CNTNAP2: variants seen among roughly 807,000 people sequenced by gnomAD.
The protein encoded by CNTNAP2 is contactin-associated protein-like 2.
Under a neutral mutation model 155.2 loss-of-function variants are expected in CNTNAP2, and 98 were observed. That is an observed-to-expected ratio of 0.63 (90% CI 0.54 to 0.75). The LOEUF (loss-of-function observed/expected upper bound fraction) is 0.75. Ranked by LOEUF, CNTNAP2 falls within the 30% of genes least tolerant of loss-of-function variation. The pLI is 0.00. For missense variants in CNTNAP2, 1,727 were observed against 1,688.1 expected (o/e 1.02, Z -0.40); for synonymous variants, 651 against 631.2 (o/e 1.03, Z -0.47).
chr7:148,237,035 A>G (rs1534708), intron 20 of CNTNAP2, among the ~76,000 whole-genome samples: 111,568 of 152,112 alleles, frequency 0.73, 41,826 homozygotes, highest in East Asian at 0.95. Flanking sequence ...ACACATATCC[A>G]AACCATATCA....
intron 13 of CNTNAP2, among the ~76,000 whole-genome samples, chr7:147,864,616 T>G (rs1465552838): frequency 6.6e-6 from 1 of 152,218 alleles, no homozygotes; most frequent in Non-Finnish European, 1.5e-5. Context: ...AGCAGTGTTT[T>G]GTAGTTCTCC....
At chr7:147,508,252 A>C (rs1299612533) in intron 11 of CNTNAP2, among the ~76,000 whole-genome samples, 2 of 152,092 alleles carry the variant, frequency 1.3e-5, no homozygotes, top group Non-Finnish European at 2.9e-5. Flanking sequence ...AAATCAACTT[A>C]TTCTTTCTGC....
chr7:146,343,612 A>C (rs1296828940), intron 1 of CNTNAP2, among the ~76,000 whole-genome samples: 1 of 152,190 alleles, frequency 6.6e-6, no homozygotes, highest in East Asian at 1.9e-4. Context: ...TAAAATGAGG[A>C]TTTTTTAAAA....
At chr7:147,441,846 TCTCTCC>T (rs1321079126) in intron 10 of CNTNAP2, among the ~76,000 whole-genome samples, 9 of 117,132 alleles carry the variant, frequency 7.7e-5, no homozygotes, top group South Asian at 5.3e-4. Flanking sequence ...TCTCTCTCTC[TCTCTCC>T]CTCCCTCCCT....
intron 13 of CNTNAP2, among the ~76,000 whole-genome samples, chr7:147,825,904 A>G (rs569539281): frequency 3.5e-4 from 53 of 152,286 alleles, no homozygotes; most frequent in Non-Finnish European, 4.0e-4. Flanking sequence ...TGTAAAATAT[A>G]AGAAAAAGGG....
intron 11 of CNTNAP2, among the ~76,000 whole-genome samples, chr7:147,542,558 A>T (rs1371944375): frequency 6.6e-6 from 1 of 152,174 alleles, no homozygotes; most frequent in African/African-American, 2.4e-5. Context: ...TGTGTAGGGC[A>T]TATATGTTCA....
At position 146,285,309 on chromosome 7, in the gene CNTNAP2, A is replaced by G. The variant is rs148317910; in HGVS notation, c.97+168336A>G. ...ATAAATCCTTAACTAATTAACCTTGACTATCATAAGTGCATTCACATTTCA... is the reference window on the plus strand; with the variant it reads ...ATAAATCCTTAACTAATTAACCTTGGCTATCATAAGTGCATTCACATTTCA... On this transcript the variant is annotated intron_variant, in intron 1 of 23. Coordinates refer to ENST00000361727, the MANE Select transcript of CNTNAP2 (RefSeq NM_014141.6). Among the ~76,000 whole-genome samples the G allele has an allele frequency of 1.0e-3, 156 of 152,266 alleles. 1 individual carries two copies. Among genetic ancestry groups the G allele is most frequent in the African/African-American group, 3.4e-3 (143 of 41,570 alleles).
At chr7:148,319,857 A>C (rs149559642) in intron 21 of CNTNAP2, among the ~76,000 whole-genome samples, 2 of 151,996 alleles carry the variant, frequency 1.3e-5, no homozygotes, top group East Asian at 3.9e-4. Context: ...TATATATTAC[A>C]ATGTAATAAT....
intron 13 of CNTNAP2, among the ~76,000 whole-genome samples, chr7:147,809,725 G>A (rs76808843): frequency 0.044 from 6,661 of 152,260 alleles, 266 homozygotes; most frequent in Admixed American, 0.12. Flanking sequence ...GTATTCTGGT[G>A]TGTTATGCTA....
At chr7:148,017,370 G>A (rs535987325) in intron 15 of CNTNAP2, among the ~76,000 whole-genome samples, 1 of 152,248 alleles carries the variant, frequency 6.6e-6, no homozygotes, top group African/African-American at 2.4e-5. Flanking sequence ...AGATATGAGA[G>A]AGAACAAAAT....
chr7:148,168,945 C>G (rs1187627072), intron 17 of CNTNAP2, among the ~76,000 whole-genome samples: 4 of 152,026 alleles, frequency 2.6e-5, no homozygotes, highest in Non-Finnish European at 5.9e-5. Flanking sequence ...AAGCCTCTGA[C>G]CAAAGGCAGG....
intron 1 of CNTNAP2, among the ~76,000 whole-genome samples, chr7:146,301,169 T>C (rs1393860810): frequency 6.6e-6 from 1 of 152,068 alleles, no homozygotes; most frequent in East Asian, 1.9e-4. Context: ...TTAGGGATAG[T>C]TGTGGTAAAT....
chr7:146,555,341 T>C (rs1316338076), intron 1 of CNTNAP2, among the ~76,000 whole-genome samples: 1 of 152,200 alleles, frequency 6.6e-6, no homozygotes, highest in African/African-American at 2.4e-5. Context: ...AACATAAGAC[T>C]TTATCTATTA....
chr7:146,759,965 G>A (rs991777377), intron 1 of CNTNAP2, among the ~76,000 whole-genome samples: 1 of 152,086 alleles, frequency 6.6e-6, no homozygotes, highest in Non-Finnish European at 1.5e-5. Flanking sequence ...CTGAAAGAAG[G>A]CCAGTAAGTA....
chr7:146,617,896 CTT>C (rs2129155546), intron 1 of CNTNAP2, among the ~76,000 whole-genome samples: 1 of 152,100 alleles, frequency 6.6e-6, no homozygotes, highest in African/African-American at 2.4e-5. Context: ...TGGATGTTGT[CTT>C]TTGTGAGTGT....
chr7:147,917,994 A>C (rs1327987899), intron 14 of CNTNAP2, among the ~76,000 whole-genome samples: 2 of 152,216 alleles, frequency 1.3e-5, no homozygotes. Flanking sequence ...CTTCTGCAGA[A>C]CCAGCGCCAG....
At chr7:147,947,689 A>G (rs1800845222) in intron 14 of CNTNAP2, among the ~76,000 whole-genome samples, 1 of 152,086 alleles carries the variant, frequency 6.6e-6, no homozygotes, top group Admixed American at 6.6e-5. Flanking sequence ...AGGAAAGAAA[A>G]GAGATCAGAG....
chr7:148,138,466 C>T (rs1309774985), intron 16 of CNTNAP2, among the ~76,000 whole-genome samples: 2 of 152,184 alleles, frequency 1.3e-5, no homozygotes, highest in African/African-American at 2.4e-5. Flanking sequence ...TCTGACATCA[C>T]CTCAAACCAA....
Position 148,222,639 on chromosome 7 carries a change from A to T in CNTNAP2, c.3247+5115A>T, listed in dbSNP as rs138431630. Among the ~76,000 whole-genome samples, 788 of 152,278 alleles carry T rather than the reference A, an allele frequency of 5.2e-3. 5 individuals carry two copies. Among genetic ancestry groups the T allele is most frequent in the Middle Eastern group, 0.017 (5 of 294 alleles). On this transcript the variant is annotated intron_variant, in intron 19 of 23. Transcript: ENST00000361727. Reference sequence around the variant, plus strand: ...TCACCTCTTAAAGGGCTCACCTCTCAATATACCCATATTAGGGATTAAGTT... The same window carrying T: ...TCACCTCTTAAAGGGCTCACCTCTCTATATACCCATATTAGGGATTAAGTT...
Sources: allele counts gnomAD v4.1 joint callset (sites outside exome capture counted in the v4.1 genomes callset), GRCh38; gene constraint gnomAD v4.1.1; transcripts MANE v1.5; gene names NCBI Gene and HGNC (gene_info 2026-07-23, HGNC 2026-07-21).